NRXN3: variants seen among roughly 807,000 people sequenced by gnomAD.
NRXN3 encodes the protein neurexin III.
Under a neutral mutation model 137.6 loss-of-function variants are expected in NRXN3, and 32 were observed. The observed-to-expected ratio is 0.23, with a 90% confidence interval of 0.18 to 0.31. The LOEUF (loss-of-function observed/expected upper bound fraction) is 0.31, where lower values mean the gene tolerates loss of function less well. Ranked by LOEUF, NRXN3 falls within the 10% of genes least tolerant of loss-of-function variation. NRXN3 has a pLI of 1.00. For synonymous variants in NRXN3, 798 were observed against 784.5 expected, an observed-to-expected ratio of 1.02 and a Z score of -0.29; for missense variants, 1,574 against 2,062.5, an observed-to-expected ratio of 0.76 and a Z score of 4.59.
At chr14:79,838,272 A>G (rs188418124) in intron 20 of NRXN3, among the ~76,000 whole-genome samples, 2 of 152,324 alleles carry the variant, frequency 1.3e-5, no homozygotes, top group Admixed American at 6.5e-5. Context: ...AAGCGTTACT[A>G]TAGATTAATA....
At chr14:79,182,133 T>C (rs1444010049) in intron 15 of NRXN3, among the ~76,000 whole-genome samples, 1 of 152,140 alleles carries the variant, frequency 6.6e-6, no homozygotes, top group Non-Finnish European at 1.5e-5. Flanking sequence ...ATGTCCTTAT[T>C]AATACTTACT....
chr14:79,809,054 A>G (rs530841447), intron 20 of NRXN3, among the ~76,000 whole-genome samples: 1 of 152,330 alleles, frequency 6.6e-6, no homozygotes, highest in Admixed American at 6.5e-5. Context: ...GAGAAATTTA[A>G]AGAAATCCCA....
At chr14:78,490,412 C>G (rs1336751983) in intron 4 of NRXN3, among the ~76,000 whole-genome samples, 1 of 152,132 alleles carries the variant, frequency 6.6e-6, no homozygotes, top group African/African-American at 2.4e-5. Context: ...GAAAAATATT[C>G]TGAATATGCT....
At chr14:78,352,027 G>A (rs1023021378) in intron 4 of NRXN3, among the ~76,000 whole-genome samples, 4 of 150,438 alleles carry the variant, frequency 2.7e-5, no homozygotes, top group African/African-American at 9.8e-5. Flanking sequence ...GCAGAGGATT[G>A]CAGTGAACCG....
intron 16 of NRXN3, among the ~76,000 whole-genome samples, chr14:79,538,353 A>G (rs2097235389): frequency 6.6e-6 from 1 of 152,218 alleles, no homozygotes; most frequent in African/African-American, 2.4e-5. Flanking sequence ...TGTTTTAGAC[A>G]TGAAGTCCTT....
rs1187007526 is a variant in NRXN3 at position 78,798,692 on chromosome 14, G to A, written c.2045-4928G>A. On this transcript the variant is annotated intron_variant, in intron 8 of 20. Transcript: ENST00000335750. Reference sequence around the variant, plus strand: ...GCTCTCCATGAGGGCTCTGCCCCTGGAGCCCATCTCTGCCTAGACATCCAG... The same window carrying A: ...GCTCTCCATGAGGGCTCTGCCCCTGAAGCCCATCTCTGCCTAGACATCCAG... Among the ~76,000 whole-genome samples, 3 of 152,182 alleles carry A rather than the reference G, an allele frequency of 2.0e-5. No individual in the cohort carries two copies. The East Asian group carries it at 5.8e-4, about 29-fold the overall frequency.
chr14:78,857,615 A>G (rs908770061), intron 10 of NRXN3, among the ~76,000 whole-genome samples: 1 of 152,330 alleles, frequency 6.6e-6, no homozygotes, highest in South Asian at 2.1e-4. Context: ...ATATGAATGT[A>G]TGCTGAAATA....
chr14:79,807,300 A>AT (rs1424506675), intron 20 of NRXN3, among the ~76,000 whole-genome samples: 1 of 151,954 alleles, frequency 6.6e-6, no homozygotes, highest in Non-Finnish European at 1.5e-5. Context: ...AAATCTGTAG[A>AT]TTTTAAGGCT....
intron 16 of NRXN3, among the ~76,000 whole-genome samples, chr14:79,516,237 G>A (rs905832461): frequency 6.6e-6 from 1 of 152,170 alleles, no homozygotes; most frequent in Non-Finnish European, 1.5e-5. Context: ...GGCAAGCAGG[G>A]TACCAGAGTT....
At chr14:79,685,027 T>C (rs2098689249) in intron 17 of NRXN3, among the ~76,000 whole-genome samples, 1 of 152,122 alleles carries the variant, frequency 6.6e-6, no homozygotes, top group South Asian at 2.1e-4. Context: ...GGATCATATG[T>C]CAAACGGCTG....
intron 10 of NRXN3, among the ~76,000 whole-genome samples, chr14:78,943,077 A>G (rs999423089): frequency 8.5e-5 from 13 of 152,144 alleles, no homozygotes; most frequent in African/African-American, 2.7e-4. Context: ...ATTAAATTGG[A>G]GTTATATGAT....
chr14:79,052,139 C>G (rs2099642897), intron 15 of NRXN3, among the ~76,000 whole-genome samples: 1 of 152,112 alleles, frequency 6.6e-6, no homozygotes, highest in South Asian at 2.1e-4. Context: ...TGCAGTTGGG[C>G]AGAGCTGCCA....
intron 1 of NRXN3, among the ~76,000 whole-genome samples, chr14:78,219,351 A>G (rs1450370866): frequency 6.6e-6 from 1 of 152,216 alleles, no homozygotes; most frequent in Non-Finnish European, 1.5e-5. Context: ...TTTGGTTTCC[A>G]GGAGACATTG....
chr14:78,616,058 C>T (rs925398017), intron 4 of NRXN3, among the ~76,000 whole-genome samples: 2 of 152,224 alleles, frequency 1.3e-5, no homozygotes, highest in Non-Finnish European at 2.9e-5. Flanking sequence ...TCATCACCTG[C>T]ATAACTGCAG....
chr14:78,948,190 T>C (rs1046245032), intron 10 of NRXN3, among the ~76,000 whole-genome samples: 9 of 152,314 alleles, frequency 5.9e-5, no homozygotes, highest in African/African-American at 2.2e-4. Flanking sequence ...AACACCAGTA[T>C]GAGTGTCCAC....
chr14:78,746,504 T>G (rs766063332), intron 8 of NRXN3, among the ~76,000 whole-genome samples: 10 of 152,190 alleles, frequency 6.6e-5, no homozygotes, highest in Non-Finnish European at 1.2e-4. Context: ...TAACACTGTT[T>G]GCTGATTTTA....
chr14:79,354,763 C>T (rs990217771), intron 15 of NRXN3, among the ~76,000 whole-genome samples: 2 of 152,192 alleles, frequency 1.3e-5, no homozygotes, highest in Admixed American at 6.5e-5. Flanking sequence ...GTTTTCAAAT[C>T]ACTCCAAAAT....
intron 16 of NRXN3, among the ~76,000 whole-genome samples, chr14:79,580,984 C>G (rs1293288845): frequency 6.6e-6 from 1 of 152,062 alleles, no homozygotes; most frequent in African/African-American, 2.4e-5. Flanking sequence ...TTCTCTTCAT[C>G]CAACTGTAAT....
At chr14:79,534,576 G>A (rs1421870725) in intron 16 of NRXN3, among the ~76,000 whole-genome samples, 1 of 151,868 alleles carries the variant, frequency 6.6e-6, no homozygotes, top group South Asian at 2.1e-4. Flanking sequence ...CTCTCCTAGG[G>A]GAACATATGT....
Sources: allele counts gnomAD v4.1 joint callset (sites outside exome capture counted in the v4.1 genomes callset), GRCh38; gene constraint gnomAD v4.1.1; transcripts MANE v1.5; gene names NCBI Gene and HGNC (gene_info 2026-07-23, HGNC 2026-07-21).